KATNAL2: variants seen among roughly 807,000 people sequenced by gnomAD.
KATNAL2 encodes the protein katanin p60 ATPase-containing subunit A-like 2.
A neutral mutation model predicts 76.3 loss-of-function variants in KATNAL2; 52 were observed. The observed-to-expected ratio is 0.68, with a 90% CI of 0.55 to 0.86. The LOEUF (loss-of-function observed/expected upper bound fraction) is 0.86. KATNAL2 is among the 40% of genes least tolerant of loss of function. The pLI is 0.00. For synonymous variants in KATNAL2, 243 were observed against 244.2 expected, an observed-to-expected ratio of 1.00 and a Z score of 0.05; for missense variants, 660 against 668.9, an observed-to-expected ratio of 0.99 and a Z score of 0.15.
At position 47,100,375 on chromosome 18, in the gene KATNAL2, T is replaced by C. The variant is rs149052099; in HGVS notation, c.1477+19T>C. On this transcript the variant is annotated intron_variant, in intron 17 of 17. Coordinates refer to ENST00000683218, the MANE Select transcript of KATNAL2 (RefSeq NM_001387690.1). ...CAGTCAGGTATGGGTTGGATCACCATGAAGGTGTTCCAGGAATTTGTGTAA... is the reference window on the plus strand; with the variant it reads ...CAGTCAGGTATGGGTTGGATCACCACGAAGGTGTTCCAGGAATTTGTGTAA... The C allele has an allele frequency of 1.3e-6, 2 of 1,590,504 alleles. No individual in the cohort carries two copies. The highest frequency in any genetic ancestry group is 1.3e-5 in the African/African-American group (1 of 74,586).
chr18:46,932,911 C>A (rs185782544), intron 1 of KATNAL2, among the ~76,000 whole-genome samples: 1 of 151,550 alleles, frequency 6.6e-6, no homozygotes, highest in Admixed American at 6.6e-5. Flanking sequence ...ATTACAGGCG[C>A]GCTACCATGC....
chr18:47,080,878 C>CT (rs2062476685), intron 15 of KATNAL2, among the ~76,000 whole-genome samples: 1 of 152,062 alleles, frequency 6.6e-6, no homozygotes, highest in Non-Finnish European at 1.5e-5. Context: ...TAAAATTTTT[C>CT]TTTTTATTAT....
At chr18:47,091,472 C>A (rs1340171586) in intron 15 of KATNAL2, among the ~76,000 whole-genome samples, 2 of 152,190 alleles carry the variant, frequency 1.3e-5, no homozygotes, top group Non-Finnish European at 2.9e-5. Context: ...AAGGGGAGTG[C>A]TTTCTGGTTG....
intron 1 of KATNAL2, among the ~76,000 whole-genome samples, chr18:46,922,596 C>G (rs1599288168): frequency 6.6e-6 from 1 of 151,946 alleles, no homozygotes; most frequent in East Asian, 1.9e-4. Flanking sequence ...GAGTTCGAGA[C>G]TAGCCTGACC....
At position 47,043,245 on chromosome 18, in the gene KATNAL2, A is replaced by AAAAAAAAAAAAT. The variant is rs376877321; in HGVS notation, c.52-3212_52-3211insAAAAAAAAAAAT. Among the ~76,000 whole-genome samples, 38 of 93,132 alleles carry AAAAAAAAAAAAT rather than the reference A, an allele frequency of 4.1e-4. 4 individuals carry two copies. The highest frequency in any genetic ancestry group is 8.3e-4 in the Admixed American group (6 of 7,252). 61.1% of individuals were successfully genotyped at this position (93,132 alleles called of 152,430 possible). On this transcript the variant is annotated intron_variant, in intron 3 of 17. Coordinates refer to ENST00000683218, the MANE Select transcript of KATNAL2 (RefSeq NM_001387690.1). ...CCGTTTCAAAAAAAAAAAAAAAAAA[A>AAAAAAAAAAAAT]GAGATCCTAAAAGCTTCCTGGGAAG... is the stretch of plus-strand genomic sequence containing the variant.
At chr18:47,058,931 C>T (rs2061548784) in intron 7 of KATNAL2, among the ~76,000 whole-genome samples, 1 of 152,140 alleles carries the variant, frequency 6.6e-6, no homozygotes, top group Non-Finnish European at 1.5e-5. Flanking sequence ...TCAATGGCTC[C>T]TGACTCAGGA....
intron 10 of KATNAL2, 133 bp from the exon 11 acceptor site, chr18:47,066,888 T>TATATATATATATATATATATATAACACAC (rs11281082): frequency 1.3e-5 from 1 of 75,816 alleles, no homozygotes; most frequent in Non-Finnish European, 2.8e-5. Context: ...TATATATATA[T>TATATATATATATATATATATATAACACAC]ATATAATATG....
chr18:46,939,044 A>G (rs2059170104), intron 1 of KATNAL2, among the ~76,000 whole-genome samples: 1 of 152,196 alleles, frequency 6.6e-6, no homozygotes. Flanking sequence ...TATTTTCAGA[A>G]TAAATGACGA....
Position 47,063,025 on chromosome 18 carries a change from C to T in KATNAL2, c.603C>T (p.Thr201=), listed in dbSNP as rs777802146. The T allele has an allele frequency of 1.9e-6, 3 of 1,614,150 alleles. No homozygotes were observed. In the South Asian group the frequency reaches 3.3e-5, roughly 18 times the overall value. ...GLLTDAIKGA[T]SELALNTFDH... is the part of the protein sequence containing the mutation. ...TCACAGATGCCATCAAGGGAGCAAC[C>T]AGTGAACTTGCCTTGAACACCTTCG... The change falls in exon 9 of 18, where the codon ACC becomes ACT. Residue 201 remains threonine (T), a synonymous_variant. Coordinates refer to ENST00000683218, the MANE Select transcript of KATNAL2 (RefSeq NM_001387690.1).
At chr18:47,089,431 A>G (rs1384972013) in intron 15 of KATNAL2, among the ~76,000 whole-genome samples, 1 of 152,102 alleles carries the variant, frequency 6.6e-6, no homozygotes, top group Non-Finnish European at 1.5e-5. Context: ...TTCTTTGTTG[A>G]TACTGTAGCA....
intron 3 of KATNAL2, chr18:47,033,660 C>T: frequency 6.2e-7 from 1 of 1,614,208 alleles, no homozygotes; most frequent in Non-Finnish European, 8.5e-7. Context: ...TTCTAAGCAC[C>T]TGGGCACACT....
intron 12 of KATNAL2, 65 bp downstream of exon 12, chr18:47,069,348 C>T: frequency 7.0e-7 from 1 of 1,428,930 alleles, no homozygotes; most frequent in Non-Finnish European, 9.8e-7. Context: ...GTTGCCCCTT[C>T]TGTCCTCACT....
chr18:47,037,863 T>TA (rs925542700), intron 3 of KATNAL2, among the ~76,000 whole-genome samples: 6 of 151,588 alleles, frequency 4.0e-5, no homozygotes, highest in Non-Finnish European at 8.8e-5. Context: ...TTTTTTTTTT[T>TA]ATTAGAGATG....
At chr18:47,042,070 A>G (rs1009603645) in intron 3 of KATNAL2, among the ~76,000 whole-genome samples, 1 of 151,382 alleles carries the variant, frequency 6.6e-6, no homozygotes, top group Non-Finnish European at 1.5e-5. Flanking sequence ...TGAATTTAGG[A>G]GGGTTTGTCT....
In KATNAL2 at chr18:47,077,446, C is replaced by T; in HGVS notation, c.1196C>T (p.Ala399Val). The stretch of plus-strand genomic sequence containing the variant: ...GAAGATCTCGTATTTGTCTTAGCAG[C>T]TTCTAACCTGCCGTGGTAAGAGACC... ...RSEDLVFVLA[A>V]SNLPWELDCA... is the part of the protein sequence containing the mutation. The change falls in exon 15 of 18, where the codon GCT becomes GTT. Residue 399 changes from alanine (A) to valine (V), a missense_variant. Transcript: ENST00000683218. The T allele has an allele frequency of 6.2e-7, 1 of 1,612,340 alleles. No individual in the cohort carries two copies. The highest frequency in any genetic ancestry group is 8.5e-7 in the Non-Finnish European group (1 of 1,178,340).
rs2063373345 is a variant in KATNAL2, at chr18:47,099,254, G to C, written c.1223G>C (p.Cys408Ser). The change falls in exon 16 of 18, where the codon TGT becomes TCT. Residue 408 changes from cysteine (C) to serine (S), a missense_variant. Cys to Ser is a moderately radical substitution (Grantham distance 112). Coordinates refer to ENST00000683218, the MANE Select transcript of KATNAL2 (RefSeq NM_001387690.1). The stretch of plus-strand genomic sequence containing the variant: ...TGGTGTGATTTCAGGGAGCTGGACT[G>C]TGCCATGTTACGCCGCCTGGAGAAG... Reference protein sequence around the residue: ...AASNLPWELDCAMLRRLEKRI... With the variant: ...AASNLPWELDSAMLRRLEKRI... 6.2e-7 allele frequency: 1 copy of C among 1,613,166 alleles called. No individual in the cohort carries two copies. The highest frequency in any genetic ancestry group is 1.1e-5 in the South Asian group (1 of 90,894).
intron 1 of KATNAL2, among the ~76,000 whole-genome samples, chr18:46,939,480 A>G (rs2059184881): frequency 6.6e-6 from 1 of 152,222 alleles, no homozygotes; most frequent in African/African-American, 2.4e-5. Context: ...CACAACACTA[A>G]TAGCCAAAAC....
At position 47,034,771 on chromosome 18, in the gene KATNAL2, G is replaced by C. The variant is rs200986735; in HGVS notation, c.52-11686G>C. 5.1e-4 allele frequency: 828 copies of C among 1,612,628 alleles called. 8 individuals are homozygous for C. The highest frequency in any genetic ancestry group is 6.1e-4 in the Non-Finnish European group (715 of 1,179,720). Reference sequence around the variant, plus strand: ...CGTTGGAGAGGCCCGATAGCGGCCGGAATCAGCTGGGGCTATTCTGGGGCA... The same window carrying C: ...CGTTGGAGAGGCCCGATAGCGGCCGCAATCAGCTGGGGCTATTCTGGGGCA... On this transcript the variant is annotated intron_variant, in intron 3 of 17. Transcript: ENST00000683218.
At chr18:47,068,458 T>C (rs2061885346) in intron 11 of KATNAL2, among the ~76,000 whole-genome samples, 1 of 152,218 alleles carries the variant, frequency 6.6e-6, no homozygotes, top group African/African-American at 2.4e-5. Flanking sequence ...TTCCTCTAAA[T>C]GGAACTATAA....
Sources: gnomAD v4.1 joint callset for allele counts (sites outside exome capture counted in the v4.1 genomes callset) on GRCh38, gnomAD v4.1.1 for gene constraint, MANE v1.5 for transcripts, NCBI Gene and HGNC (gene_info 2026-07-23, HGNC 2026-07-21) for gene names.